The following PRKCB variants were observed in gnomAD, a reference collection of about 807,000 sequenced individuals.
PRKCB encodes protein kinase C beta, also known as protein kinase C beta type.
PRKCB carries 13 observed loss-of-function variants against 81.5 expected under a neutral mutation model. That is an observed-to-expected ratio of 0.16 (90% CI 0.10 to 0.25). PRKCB has a LOEUF of 0.25. Among genes scored for constraint, PRKCB ranks in the 10% least tolerant of loss-of-function variants. PRKCB has a pLI of 1.00. For missense variants in PRKCB, 509 were observed against 875.7 expected (o/e 0.58, Z 5.29); for synonymous variants, 335 against 321.4 (o/e 1.04, Z -0.45).
intron 16 of PRKCB, among the ~76,000 whole-genome samples, chr16:24,197,454 A>G (rs1483470702): frequency 6.6e-6 from 1 of 152,098 alleles, no homozygotes; most frequent in Non-Finnish European, 1.5e-5. Context: ...TGGTCAAGGG[A>G]GAGCAAGGAG....
intron 8 of PRKCB, 44 bp from the exon 9 acceptor site, chr16:24,123,791 T>C (rs1013316): frequency 0.41 from 663,334 of 1,602,228 alleles, 142,822 homozygotes; most frequent in East Asian, 0.82. Flanking sequence ...TACAAGATCG[T>C]CCTCAAACCC....
chr16:23,882,084 T>C (rs1226650439), intron 2 of PRKCB, among the ~76,000 whole-genome samples: 10 of 143,260 alleles, frequency 7.0e-5, no homozygotes, highest in Admixed American at 3.6e-4. Context: ...CTTTCCTTTT[T>C]TTTTTTTTTT....
Position 24,193,472 on chromosome 16 carries a change from T to TAAAA in PRKCB, c.1863+2245_1863+2246insAAAA, listed in dbSNP as rs1443917376. Among the ~76,000 whole-genome samples the TAAAA allele has an allele frequency of 8.5e-3, 876 of 103,156 alleles. 9 individuals are homozygous for TAAAA. The highest frequency in any genetic ancestry group is 0.018 in the Admixed American group (189 of 10,232). 67.7% of individuals were successfully genotyped at this position (103,156 alleles called of 152,430 possible). On this transcript the variant is annotated intron_variant, in intron 16 of 16. Coordinates refer to ENST00000643927, the MANE Select transcript of PRKCB (RefSeq NM_002738.7). ...ATAAATAAATAAATAAATAAATAAA[T>TAAAA]AAATAAATAAATAAATAAATAAATA...
At position 24,167,319 on chromosome 16, in the gene PRKCB, G is replaced by A. The variant is rs76360463; in HGVS notation, c.1240-4951G>A. On this transcript the variant is annotated intron_variant, in intron 10 of 16. Transcript: ENST00000643927. ...TCATTAGACATGTTGAGAGGGTGAA[G>A]CAGTATTGGTCTGAGAAATAAAAAC... Among the ~76,000 whole-genome samples the A allele has an allele frequency of 6.2e-3, 944 of 152,184 alleles. 4 individuals carry two copies. The highest frequency in any genetic ancestry group is 0.011 in the Non-Finnish European group (754 of 68,014).
In PRKCB at chr16:23,968,500, G is replaced by C. The variant is rs531542902; in HGVS notation, c.206-20008G>C. Among the ~76,000 whole-genome samples the C allele has an allele frequency of 2.2e-4, 34 of 152,288 alleles. No homozygotes were observed. The South Asian group carries it at 6.8e-3, about 31-fold the overall frequency. On this transcript the variant is annotated intron_variant, in intron 2 of 16. Coordinates refer to ENST00000643927, the MANE Select transcript of PRKCB (RefSeq NM_002738.7). Reference sequence around the variant, plus strand: ...AACCATGGTCCTGGAGGGATGAACCGCTTCCCAAATAGCAGTACCGAGGCA... The same window carrying C: ...AACCATGGTCCTGGAGGGATGAACCCCTTCCCAAATAGCAGTACCGAGGCA...
intron 2 of PRKCB, among the ~76,000 whole-genome samples, chr16:23,885,026 A>C: frequency 6.6e-6 from 1 of 152,324 alleles, no homozygotes; most frequent in Middle Eastern, 3.4e-3. Flanking sequence ...AGCAAACTCA[A>C]GATAATAGTA....
At chr16:24,029,057 C>G (rs745807580) in intron 3 of PRKCB, among the ~76,000 whole-genome samples, 2 of 152,230 alleles carry the variant, frequency 1.3e-5, no homozygotes, top group Non-Finnish European at 2.9e-5. Context: ...TCCCAAAGTG[C>G]TGGAATTACA....
intron 2 of PRKCB, among the ~76,000 whole-genome samples, chr16:23,844,624 C>T (rs1346173727): frequency 2.6e-5 from 4 of 152,058 alleles, no homozygotes; most frequent in African/African-American, 4.8e-5. Flanking sequence ...TCTCCTGCCT[C>T]AGCCTCCCGA....
chr16:23,863,285 C>CACACACAT (rs1555479535), intron 2 of PRKCB, among the ~76,000 whole-genome samples: 1 of 147,512 alleles, frequency 6.8e-6, no homozygotes, highest in Non-Finnish European at 1.5e-5. Flanking sequence ...CACACACACA[C>CACACACAT]GAATATTTTA....
At chr16:24,106,584 T>C (rs1398420748) in intron 7 of PRKCB, among the ~76,000 whole-genome samples, 2 of 152,244 alleles carry the variant, frequency 1.3e-5, no homozygotes, top group African/African-American at 4.8e-5. Context: ...AATAAATTTC[T>C]AAGCCTGGAA....
At chr16:24,094,832 G>GAAGGAAGA (rs1447493568) in intron 7 of PRKCB, among the ~76,000 whole-genome samples, 2 of 147,678 alleles carry the variant, frequency 1.4e-5, no homozygotes, top group African/African-American at 5.1e-5. Context: ...AGGAAGGAAG[G>GAAGGAAGA]AAGGAAGGAA....
intron 3 of PRKCB, among the ~76,000 whole-genome samples, chr16:24,016,768 C>T (rs148989101): frequency 3.9e-5 from 6 of 152,294 alleles, no homozygotes; most frequent in Middle Eastern, 3.4e-3. Context: ...TTTCTCCTGG[C>T]AGCCGTGGTT....
chr16:23,927,656 T>A (rs1362608887), intron 2 of PRKCB, among the ~76,000 whole-genome samples: 1 of 151,060 alleles, frequency 6.6e-6, no homozygotes, highest in Non-Finnish European at 1.5e-5. Context: ...AGGAGAGAGG[T>A]GGATGGAAGA....
intron 5 of PRKCB, among the ~76,000 whole-genome samples, chr16:24,074,990 A>G (rs1966160084): frequency 6.6e-6 from 1 of 151,978 alleles, no homozygotes; most frequent in Non-Finnish European, 1.5e-5. Context: ...GTGGTGGGAT[A>G]TGCCTATAGT....
intron 3 of PRKCB, among the ~76,000 whole-genome samples, chr16:24,028,369 A>G (rs1965509953): frequency 6.6e-6 from 1 of 152,238 alleles, no homozygotes. Flanking sequence ...GATTACAGGC[A>G]TGAGCCACTG....
chr16:23,989,171 TAGAC>T (rs1449791001), intron 3 of PRKCB, among the ~76,000 whole-genome samples: 4 of 152,160 alleles, frequency 2.6e-5, no homozygotes, highest in Non-Finnish European at 4.4e-5. Context: ...TTCACCGTGT[TAGAC>T]AGGATGGTCT....
intron 2 of PRKCB, among the ~76,000 whole-genome samples, chr16:23,850,360 T>A (rs887025205): frequency 1.9e-4 from 21 of 108,902 alleles, no homozygotes; most frequent in Admixed American, 1.2e-3. Flanking sequence ...TTAAAAAAAA[T>A]TTAATTTAAT....
rs539089446 is a variant in PRKCB at position 24,143,291 on chromosome 16, C to T, written c.1066-11393C>T. ...GGGATTACAGATGTGCACCACCACACCTGGCTAATTTTTGTACTTTTAGTA... is the reference window on the plus strand; with the variant it reads ...GGGATTACAGATGTGCACCACCACATCTGGCTAATTTTTGTACTTTTAGTA... On this transcript the variant is annotated intron_variant, in intron 9 of 16. Transcript: ENST00000643927. Among the ~76,000 whole-genome samples, 6 of 152,132 alleles carry T rather than the reference C, an allele frequency of 3.9e-5. 1 individual carries two copies. The highest frequency in any genetic ancestry group is 1.2e-4 in the African/African-American group (5 of 41,476).
intron 3 of PRKCB, among the ~76,000 whole-genome samples, chr16:24,020,737 T>TACCC (rs1195289843): frequency 6.6e-6 from 1 of 152,206 alleles, no homozygotes; most frequent in Non-Finnish European, 1.5e-5. Context: ...CTTGCCTACC[T>TACCC]ACCCCATGGG....
Sources: gnomAD v4.1 joint callset for allele counts (sites outside exome capture counted in the v4.1 genomes callset) on GRCh38, gnomAD v4.1.1 for gene constraint, MANE v1.5 for transcripts, NCBI Gene and HGNC (gene_info 2026-07-23, HGNC 2026-07-21) for gene names.